Variants in GAPVD1 observed in about 807,000 individuals in gnomAD.
GAPVD1 encodes GTPase-activating protein and VPS9 domain-containing protein 1.
Under a neutral mutation model 155.5 loss-of-function variants are expected in GAPVD1, and 35 were observed. The observed-to-expected ratio is 0.23, with a 90% CI of 0.17 to 0.30. The LOEUF (loss-of-function observed/expected upper bound fraction) is 0.30, where lower values mean the gene tolerates loss of function less well. Among genes scored for constraint, GAPVD1 ranks in the 10% least tolerant of loss-of-function variants. The probability of loss-of-function intolerance (pLI) is 1.00; values close to 1 mark genes in which losing one functional copy is unlikely to be tolerated. For synonymous variants in GAPVD1, 636 were observed against 619.7 expected, an observed-to-expected ratio of 1.03 and a Z score of -0.39; for missense variants, 1,429 against 1,775.7, an observed-to-expected ratio of 0.80 and a Z score of 3.51.
At chr9:125,339,687 C>G (rs1303331998) in intron 17 of GAPVD1, among the ~76,000 whole-genome samples, 1 of 152,216 alleles carries the variant, frequency 6.6e-6, no homozygotes, top group Non-Finnish European at 1.5e-5. Flanking sequence ...CATGAACTTA[C>G]ACTGACACAT....
chr9:125,279,841 A>AC (rs972241617), intron 2 of GAPVD1, among the ~76,000 whole-genome samples: 1 of 150,664 alleles, frequency 6.6e-6, no homozygotes, highest in African/African-American at 2.4e-5. Flanking sequence ...GCTCCCTGCA[A>AC]CCTATGCTTC....
At chr9:125,354,418 C>T (rs1849759659) in intron 23 of GAPVD1, among the ~76,000 whole-genome samples, 1 of 152,126 alleles carries the variant, frequency 6.6e-6, no homozygotes, top group Admixed American at 6.5e-5. Context: ...CATAGATCCT[C>T]CCAAACAAAA....
At chr9:125,333,667 T>C (rs1334003264) in intron 15 of GAPVD1, among the ~76,000 whole-genome samples, 2 of 151,846 alleles carry the variant, frequency 1.3e-5, no homozygotes, top group South Asian at 2.1e-4. Flanking sequence ...TTTGTATTTT[T>C]AGTAGAGACA....
At chr9:125,319,666 A>G (rs1380564256) in intron 9 of GAPVD1, among the ~76,000 whole-genome samples, 1 of 151,048 alleles carries the variant, frequency 6.6e-6, no homozygotes, top group African/African-American at 2.4e-5. Flanking sequence ...CAGTGGTGCA[A>G]TCTCAGCTCA....
Position 125,326,399 on chromosome 9 carries a change from A to C in GAPVD1, c.1859-17A>C, listed in dbSNP as rs1490914034. ...CTGTGCTACTATTTTAAAAGTGCTTAATTTTGTTTTTGATAGCTACAACAC... is the reference window on the plus strand; with the variant it reads ...CTGTGCTACTATTTTAAAAGTGCTTCATTTTGTTTTTGATAGCTACAACAC... On this transcript the variant is annotated splice_polypyrimidine_tract_variant and intron_variant, in intron 11 of 27. Transcript: ENST00000297933. 2 of 1,576,848 alleles carry C rather than the reference A, an allele frequency of 1.3e-6. No individual in the cohort carries two copies. The highest frequency in any genetic ancestry group is 2.7e-5 in the African/African-American group (2 of 74,008).
chr9:125,263,800 C>T, intron 1 of GAPVD1: 1 of 1,038,428 alleles, frequency 9.6e-7, no homozygotes, highest in Non-Finnish European at 1.5e-6. Context: ...CTGAGGCCTG[C>T]CGGTCTCTGG....
intron 17 of GAPVD1, among the ~76,000 whole-genome samples, chr9:125,337,919 A>G (rs1181928040): frequency 6.6e-6 from 1 of 152,206 alleles, no homozygotes; most frequent in Admixed American, 6.5e-5. Flanking sequence ...TCTGTTGCCC[A>G]GGCTAGAGTA....
At chr9:125,349,263 T>G in intron 20 of GAPVD1, 127 bp from the exon 21 acceptor site, 1 of 767,956 alleles carries the variant, frequency 1.3e-6, no homozygotes, top group South Asian at 2.4e-5. Flanking sequence ...TTTCTTTCTT[T>G]TTTTTCCAGA....
intron 19 of GAPVD1, chr9:125,346,425 C>T: frequency 4.6e-5 from 10 of 218,964 alleles, no homozygotes; most frequent in South Asian, 7.3e-5. Context: ...GTTTTTTTTC[C>T]TCCTTCAGCA....
chr9:125,271,495 T>C (rs1463141106), intron 2 of GAPVD1, among the ~76,000 whole-genome samples: 1 of 152,186 alleles, frequency 6.6e-6, no homozygotes, highest in Admixed American at 6.6e-5. Context: ...AGTAATATCC[T>C]GCCAATCTTA....
At chr9:125,322,061 A>G (rs184685714) in intron 10 of GAPVD1, among the ~76,000 whole-genome samples, 2 of 152,082 alleles carry the variant, frequency 1.3e-5, no homozygotes, top group African/African-American at 4.8e-5. Context: ...CATTTTGCCT[A>G]CTAGTACCAA....
intron 2 of GAPVD1, among the ~76,000 whole-genome samples, chr9:125,283,279 G>A (rs1023981870): frequency 6.6e-6 from 1 of 151,850 alleles, no homozygotes; most frequent in African/African-American, 2.4e-5. Flanking sequence ...GGCTGGTCTC[G>A]AACTCCTGAC....
rs1430095474 is a variant in GAPVD1, at chr9:125,363,885, A to C, written c.*1139A>C. 3 of 152,740 alleles carry C rather than the reference A, an allele frequency of 2.0e-5. No individual in the cohort carries two copies. Among genetic ancestry groups the C allele is most frequent in the South Asian group, 4.1e-4 (2 of 4,832 alleles). The allele number at this position is 152,740 out of a possible 1,614,324, so 9.5% of individuals were successfully genotyped here. ...TGCCTTTATTTCCCTCTTCTGAAAA[A>C]AAGTCTGTGTTTTCATAGTTTGGTT... On this transcript the variant is annotated 3_prime_UTR_variant, in exon 28 of 28. Transcript: ENST00000297933.
intron 12 of GAPVD1, among the ~76,000 whole-genome samples, chr9:125,326,860 T>C (rs1368547669): frequency 2.0e-5 from 3 of 152,096 alleles, no homozygotes; most frequent in African/African-American, 7.2e-5. Flanking sequence ...AAACCAGTGT[T>C]TTGAATTAGC....
At chr9:125,354,930 C>T in intron 24 of GAPVD1, 89 bp downstream of exon 24, 1 of 847,628 alleles carries the variant, frequency 1.2e-6, no homozygotes, top group Non-Finnish European at 1.9e-6. Flanking sequence ...CTAGTTTGTT[C>T]AAGTATCTGC....
At chr9:125,264,693 G>A (rs1020782818) in intron 1 of GAPVD1, among the ~76,000 whole-genome samples, 1 of 151,378 alleles carries the variant, frequency 6.6e-6, no homozygotes, top group African/African-American at 2.4e-5. Flanking sequence ...ACTGTTTGCT[G>A]GTTTTCTTTA....
intron 8 of GAPVD1, chr9:125,308,373 C>T (rs1365234441): frequency 1.3e-5 from 2 of 153,522 alleles, no homozygotes; most frequent in East Asian, 3.8e-4. Context: ...TATGTAGCCC[C>T]CTCCTTTCTA....
chr9:125,351,752 T>TC (rs1279455633), intron 23 of GAPVD1, among the ~76,000 whole-genome samples: 2 of 151,230 alleles, frequency 1.3e-5, no homozygotes, highest in South Asian at 2.1e-4. Context: ...TTTTTTTTTT[T>TC]CCCCCGAGAT....
At chr9:125,325,495 G>A (rs1013030813) in intron 11 of GAPVD1, among the ~76,000 whole-genome samples, 1 of 147,450 alleles carries the variant, frequency 6.8e-6, no homozygotes, top group African/African-American at 2.6e-5. Context: ...ACTCCAGCCT[G>A]GGCGACAGAG....
Sources: gnomAD v4.1 joint callset for allele counts (sites outside exome capture counted in the v4.1 genomes callset) on GRCh38, gnomAD v4.1.1 for gene constraint, MANE v1.5 for transcripts, NCBI Gene and HGNC (gene_info 2026-07-23, HGNC 2026-07-21) for gene names.